The following GRM8 variants were observed in gnomAD, a reference collection of about 807,000 sequenced individuals.
GRM8 encodes the protein metabotropic glutamate receptor 8.
Under a neutral mutation model 87.2 loss-of-function variants are expected in GRM8, and 47 were observed. That is an observed-to-expected ratio of 0.54 (90% CI 0.43 to 0.69). The LOEUF (loss-of-function observed/expected upper bound fraction) is 0.69. Ranked by LOEUF, GRM8 falls within the 30% of genes least tolerant of loss-of-function variation. GRM8 has a pLI of 0.00. For missense variants in GRM8, 1,019 were observed against 1,139.2 expected, an observed-to-expected ratio of 0.89 and a Z score of 1.52; for synonymous variants, 396 against 404.5, an observed-to-expected ratio of 0.98 and a Z score of 0.25.
chr7:126,774,431 T>A (rs1819193451), intron 6 of GRM8, among the ~76,000 whole-genome samples: 1 of 152,210 alleles, frequency 6.6e-6, no homozygotes, highest in Non-Finnish European at 1.5e-5. Context: ...AAAGGCTTTA[T>A]GTCAGCTAAC....
chr7:126,822,271 A>G (rs1248709267), intron 6 of GRM8, among the ~76,000 whole-genome samples: 2 of 152,134 alleles, frequency 1.3e-5, no homozygotes, highest in African/African-American at 4.8e-5. Context: ...CTCTCTTGTC[A>G]TTTAAAGTTT....
intron 2 of GRM8, among the ~76,000 whole-genome samples, chr7:127,125,144 T>A (rs1187465366): frequency 2.0e-5 from 3 of 152,126 alleles, no homozygotes; most frequent in Admixed American, 6.6e-5. Context: ...TTCTAAAATT[T>A]GTATGGAAAT....
At chr7:127,015,061 GAAGAAGAAA>G (rs879684573) in intron 3 of GRM8, among the ~76,000 whole-genome samples, 19 of 98,482 alleles carry the variant, frequency 1.9e-4, no homozygotes, top group East Asian at 5.2e-4. Context: ...AGAAGAAGAA[GAAGAAGAAA>G]GAAAGAAGGA....
At chr7:127,081,395 C>G (rs527585011) in intron 3 of GRM8, among the ~76,000 whole-genome samples, 15 of 152,228 alleles carry the variant, frequency 9.9e-5, no homozygotes, top group Non-Finnish European at 2.1e-4. Context: ...TGGAGCCACA[C>G]CTGGCATCAC....
chr7:127,135,783 AT>A (rs1480410229), intron 2 of GRM8, among the ~76,000 whole-genome samples: 1 of 152,070 alleles, frequency 6.6e-6, no homozygotes, highest in African/African-American at 2.4e-5. Context: ...AAGATAGGTC[AT>A]TTTCTCCATT....
intron 7 of GRM8, among the ~76,000 whole-genome samples, chr7:126,667,080 A>C (rs1805852706): frequency 6.6e-6 from 1 of 152,330 alleles, no homozygotes; most frequent in South Asian, 2.1e-4. Flanking sequence ...AATAACAGAT[A>C]ACACAAAAAT....
chr7:127,002,312 C>G (rs912409793), intron 3 of GRM8, among the ~76,000 whole-genome samples: 18 of 151,726 alleles, frequency 1.2e-4, no homozygotes, highest in South Asian at 6.2e-4. Flanking sequence ...TAAGCTTACC[C>G]ACAAGTAAGC....
intron 3 of GRM8, chr7:127,080,719 T>G (rs2132778346): frequency 6.6e-6 from 1 of 152,290 alleles, no homozygotes; most frequent in South Asian, 2.1e-4. Flanking sequence ...CACCATTTAC[T>G]TGTGATCCCT....
chr7:126,655,938 C>T (rs1385100681), intron 7 of GRM8, among the ~76,000 whole-genome samples: 2 of 152,168 alleles, frequency 1.3e-5, no homozygotes, highest in African/African-American at 4.8e-5. Flanking sequence ...AATCTTTGCA[C>T]TTTCTCCTAT....
intron 7 of GRM8, among the ~76,000 whole-genome samples, chr7:126,667,176 C>T (rs1406445822): frequency 6.6e-6 from 1 of 152,080 alleles, no homozygotes; most frequent in Admixed American, 6.5e-5. Flanking sequence ...GATGTATATA[C>T]CATTATTATT....
intron 7 of GRM8, among the ~76,000 whole-genome samples, chr7:126,716,271 T>C (rs1811729508): frequency 6.6e-6 from 1 of 152,102 alleles, no homozygotes; most frequent in Non-Finnish European, 1.5e-5. Flanking sequence ...ACTCCTGAAT[T>C]GTAGTCTAAT....
chr7:126,441,134 A>G (rs557548141), intron 10 of GRM8, among the ~76,000 whole-genome samples: 1 of 152,202 alleles, frequency 6.6e-6, no homozygotes, highest in Admixed American at 6.6e-5. Context: ...GTCCTATGAG[A>G]ATGAATACCT....
At chr7:127,106,243 C>T (rs1409909401) in intron 3 of GRM8, among the ~76,000 whole-genome samples, 1 of 152,182 alleles carries the variant, frequency 6.6e-6, no homozygotes, top group Non-Finnish European at 1.5e-5. Context: ...CTTGTCAAAA[C>T]AGACAACTTT....
At chr7:126,934,873 A>G (rs1806138166) in intron 3 of GRM8, among the ~76,000 whole-genome samples, 1 of 152,222 alleles carries the variant, frequency 6.6e-6, no homozygotes, top group Non-Finnish European at 1.5e-5. Context: ...CAGGATAAAC[A>G]TAGCTTATTT....
chr7:126,711,974 C>G (rs1313478278), intron 7 of GRM8, among the ~76,000 whole-genome samples: 1 of 152,224 alleles, frequency 6.6e-6, no homozygotes, highest in African/African-American at 2.4e-5. Flanking sequence ...AAGACTGTTT[C>G]ACTTTCTCAT....
At chr7:127,088,653 G>A (rs1339373942) in intron 3 of GRM8, among the ~76,000 whole-genome samples, 1 of 152,222 alleles carries the variant, frequency 6.6e-6, no homozygotes, top group African/African-American at 2.4e-5. Context: ...ACGCAGTGGT[G>A]TCAATGGACT....
At chr7:126,469,932 C>T (rs75929969) in intron 9 of GRM8, among the ~76,000 whole-genome samples, 2,917 of 152,050 alleles carry the variant, frequency 0.019, 109 homozygotes, top group African/African-American at 0.064. Context: ...GAAGACAGGA[C>T]GATGTGGGAA....
At chr7:126,541,441 T>C (rs1585001345) in intron 8 of GRM8, among the ~76,000 whole-genome samples, 1 of 152,026 alleles carries the variant, frequency 6.6e-6, no homozygotes, top group South Asian at 2.1e-4. Context: ...ACATGTGAGA[T>C]CATGAAGGGC....
intron 8 of GRM8, among the ~76,000 whole-genome samples, chr7:126,577,692 T>C (rs1218467065): frequency 1.3e-5 from 2 of 152,192 alleles, no homozygotes; most frequent in Non-Finnish European, 2.9e-5. Flanking sequence ...TAAGTATTAA[T>C]TGAAATTTCT....
Sources: gnomAD v4.1 joint callset for allele counts (sites outside exome capture counted in the v4.1 genomes callset) on GRCh38, gnomAD v4.1.1 for gene constraint, MANE v1.5 for transcripts, NCBI Gene and HGNC (gene_info 2026-07-23, HGNC 2026-07-21) for gene names.